NCOA7: variants seen among roughly 807,000 people sequenced by gnomAD.
The protein encoded by NCOA7 is nuclear receptor coactivator 7.
NCOA7 carries 45 observed loss-of-function variants against 104.3 expected under a neutral mutation model. That is an observed-to-expected ratio of 0.43 (90% CI 0.34 to 0.55). The LOEUF is 0.55. Among genes scored for constraint, NCOA7 ranks in the 20% least tolerant of loss-of-function variants. NCOA7 has a pLI of 0.02. For missense variants in NCOA7, 1,041 were observed against 1,119.7 expected (o/e 0.93, Z 1.00); for synonymous variants, 398 against 402.3 (o/e 0.99, Z 0.13).
At chr6:125,826,577 A>G (rs1243635554) in intron 2 of NCOA7, among the ~76,000 whole-genome samples, 1 of 152,114 alleles carries the variant, frequency 6.6e-6, no homozygotes, top group Non-Finnish European at 1.5e-5. Flanking sequence ...GAATTTAGGT[A>G]ATATTCTTTA....
chr6:125,797,875 G>A (rs1673371180), intron 1 of NCOA7: 1 of 152,172 alleles, frequency 6.6e-6, no homozygotes, highest in African/African-American at 2.4e-5. Flanking sequence ...TTGAATCACA[G>A]AACCTTCCAA....
intron 10 of NCOA7, among the ~76,000 whole-genome samples, chr6:125,893,250 C>A (rs1784758131): frequency 1.3e-5 from 2 of 152,184 alleles, no homozygotes; most frequent in Admixed American, 1.3e-4. Context: ...CTAGGAGTGG[C>A]TCCCTTCCCC....
At chr6:125,882,176 C>T (rs972889778) in intron 6 of NCOA7, among the ~76,000 whole-genome samples, 6 of 151,854 alleles carry the variant, frequency 4.0e-5, no homozygotes, top group Non-Finnish European at 7.4e-5. Flanking sequence ...TTTCTAAAGA[C>T]ATTTCATGAG....
chr6:125,876,681 T>C (rs1449294622), intron 4 of NCOA7, among the ~76,000 whole-genome samples: 3 of 152,076 alleles, frequency 2.0e-5, no homozygotes, highest in Non-Finnish European at 4.4e-5. Context: ...TATGCCTACC[T>C]CTCTGTTTCA....
chr6:125,888,932 C>A lies in NCOA7; in HGVS notation c.885-7C>A. On this transcript the variant is annotated splice_polypyrimidine_tract_variant and splice_region_variant and intron_variant, in intron 8 of 15. Coordinates refer to ENST00000392477, the MANE Select transcript of NCOA7 (RefSeq NM_181782.5). ...TCCATGTGCACCCACCATTTCTCCC[C>A]CAACAGTGACCTACCTCAGGATCTT... 1 of 1,581,002 alleles carries A rather than the reference C, an allele frequency of 6.3e-7. No individual in the cohort carries two copies. The highest frequency in any genetic ancestry group is 8.6e-7 in the Non-Finnish European group (1 of 1,163,088).
At chr6:125,811,773 C>A (rs1346577839) in intron 1 of NCOA7, among the ~76,000 whole-genome samples, 1 of 152,194 alleles carries the variant, frequency 6.6e-6, no homozygotes, top group Non-Finnish European at 1.5e-5. Context: ...ATGGCTTCCA[C>A]TCCCAATACG....
chr6:125,829,731 T>G (rs1778992608), intron 2 of NCOA7, among the ~76,000 whole-genome samples: 1 of 151,700 alleles, frequency 6.6e-6, no homozygotes. Flanking sequence ...TCATATCATA[T>G]GAGGAACTAA....
At chr6:125,894,300 A>G (rs1213742085) in intron 10 of NCOA7, among the ~76,000 whole-genome samples, 1 of 152,138 alleles carries the variant, frequency 6.6e-6, no homozygotes, top group Non-Finnish European at 1.5e-5. Flanking sequence ...GGAGGACAAA[A>G]TCACTTCACA....
chr6:125,878,943 T>G (rs902275471), intron 5 of NCOA7, among the ~76,000 whole-genome samples: 2 of 152,206 alleles, frequency 1.3e-5, no homozygotes, highest in African/African-American at 4.8e-5. Context: ...GTCAACTGTT[T>G]AAGCACAGGA....
In NCOA7 at chr6:125,928,794, A is replaced by C; in HGVS notation, c.*23A>C. 1.2e-6 allele frequency: 2 copies of C among 1,603,592 alleles called. No homozygotes were observed. Among genetic ancestry groups the C allele is most frequent in the Non-Finnish European group, 1.7e-6 (2 of 1,176,730 alleles). On this transcript the variant is annotated 3_prime_UTR_variant, in exon 16 of 16. Transcript: ENST00000392477. ...TGAAATTCAGACTGCCTTAAAATAT[A>C]ACATTAAAAAGACTGGGTTCGATCA...
intron 10 of NCOA7, among the ~76,000 whole-genome samples, chr6:125,910,933 G>A (rs569189452): frequency 3.9e-5 from 6 of 152,280 alleles, no homozygotes; most frequent in South Asian, 2.1e-4. Flanking sequence ...AAATGAAAAA[G>A]CAAGATAAAG....
intron 1 of NCOA7, among the ~76,000 whole-genome samples, chr6:125,810,911 T>G (rs1483247385): frequency 2.0e-5 from 3 of 152,232 alleles, no homozygotes; most frequent in Non-Finnish European, 4.4e-5. Context: ...CAGCACCAGA[T>G]GTCAACTATT....
chr6:125,827,188 C>CAAAAAAA (rs66522338), intron 2 of NCOA7, among the ~76,000 whole-genome samples: 4 of 79,042 alleles, frequency 5.1e-5, no homozygotes, highest in Non-Finnish European at 4.4e-5. Context: ...AACTCCATCT[C>CAAAAAAA]AAAAAAAAAA....
chr6:125,882,312 G>A, intron 6 of NCOA7, 114 bp from the exon 7 acceptor site: 1 of 1,037,908 alleles, frequency 9.6e-7, no homozygotes, highest in East Asian at 2.6e-5. Context: ...CCTTTTTAAT[G>A]TTCCACTTAA....
In NCOA7 at chr6:125,863,804, A is replaced by G. The variant is rs972044073; in HGVS notation, c.271+8564A>G. On this transcript the variant is annotated intron_variant, in intron 3 of 15. Transcript: ENST00000392477. ...CACCATCCTCTCACTCTGAGCTCACATGGTAGAAGGGTGAGGGGTCTTTGG... is the reference window on the plus strand; with the variant it reads ...CACCATCCTCTCACTCTGAGCTCACGTGGTAGAAGGGTGAGGGGTCTTTGG... Among the ~76,000 whole-genome samples the G allele has an allele frequency of 2.9e-5, 4 of 137,400 alleles. 1 individual carries two copies. Among genetic ancestry groups the G allele is most frequent in the African/African-American group, 1.2e-4 (4 of 32,810 alleles). 90.1% of individuals were successfully genotyped at this position (137,400 alleles called of 152,430 possible). A position where few individuals can be genotyped will look rare whatever the true frequency, so the allele number is the denominator to read the frequency against.
At chr6:125,782,916 G>A (rs563869902) in intron 1 of NCOA7, among the ~76,000 whole-genome samples, 1 of 152,208 alleles carries the variant, frequency 6.6e-6, no homozygotes, top group South Asian at 2.1e-4. Context: ...TACCTGGATG[G>A]GCCCCAGTCA....
intron 3 of NCOA7, among the ~76,000 whole-genome samples, chr6:125,874,380 C>T (rs565015536): frequency 7.9e-5 from 12 of 152,224 alleles, no homozygotes; most frequent in Admixed American, 2.0e-4. Context: ...TGTTGTTGGA[C>T]GTATTCTTTT....
At chr6:125,905,334 G>C (rs1785896378) in intron 10 of NCOA7, among the ~76,000 whole-genome samples, 1 of 144,414 alleles carries the variant, frequency 6.9e-6, no homozygotes, top group African/African-American at 2.6e-5. Context: ...TCGGCTCATT[G>C]CAACCTATGC....
chr6:125,857,312 A>T (rs997535641), intron 3 of NCOA7, among the ~76,000 whole-genome samples: 2 of 152,090 alleles, frequency 1.3e-5, no homozygotes, highest in Non-Finnish European at 2.9e-5. Flanking sequence ...ATTATAGCTC[A>T]CTGCAACCTC....
Sources: gnomAD v4.1 joint callset for allele counts (sites outside exome capture counted in the v4.1 genomes callset) on GRCh38, gnomAD v4.1.1 for gene constraint, MANE v1.5 for transcripts, NCBI Gene and HGNC (gene_info 2026-07-23, HGNC 2026-07-21) for gene names.